ACTR3C: variants seen among roughly 807,000 people sequenced by gnomAD.
ACTR3C encodes actin related protein 3C.
Under a neutral mutation model 26.3 loss-of-function variants are expected in ACTR3C, and 18 were observed. The ratio of observed to expected loss-of-function variants is 0.68; its 90% CI spans 0.47 to 1.01. The LOEUF is 1.01. Among genes scored for constraint, ACTR3C ranks in the 50% least tolerant of loss-of-function variants. ACTR3C has a pLI of 0.00. For missense variants in ACTR3C, 184 were observed against 250.7 expected (o/e 0.73, Z 1.80); for synonymous variants, 55 against 94.5 (o/e 0.58, Z 2.42).
the ACTR3C span, among the ~76,000 whole-genome samples, chr7:150,143,124 G>T: frequency 1.3e-5 from 2 of 152,102 alleles, no homozygotes; most frequent in African/African-American, 4.8e-5. Context: ...GAGCCACCGC[G>T]CCCAACCCCA....
chr7:150,008,741 T>A, the ACTR3C span, among the ~76,000 whole-genome samples: 3 of 150,598 alleles, frequency 2.0e-5, no homozygotes, highest in African/African-American at 7.3e-5. Context: ...TGCTATCAAG[T>A]CCCATACCTC....
the ACTR3C span, among the ~76,000 whole-genome samples, chr7:149,982,684 TA>T: frequency 4.6e-5 from 7 of 151,974 alleles, no homozygotes; most frequent in Non-Finnish European, 1.0e-4. Flanking sequence ...AGGGCTGTGC[TA>T]AATGAAGCTC....
At chr7:150,009,402 T>C in the ACTR3C span, among the ~76,000 whole-genome samples, 1 of 152,230 alleles carries the variant, frequency 6.6e-6, no homozygotes, top group Non-Finnish European at 1.5e-5. Flanking sequence ...TTTCCAACAC[T>C]GCGCGAAGTG....
At chr7:150,153,035 CTTT>C in the ACTR3C span, among the ~76,000 whole-genome samples, 7 of 152,052 alleles carry the variant, frequency 4.6e-5, no homozygotes, top group African/African-American at 1.7e-4. Context: ...CTCTTTTCTT[CTTT>C]ATTAGTCTTA....
the ACTR3C span, among the ~76,000 whole-genome samples, chr7:150,215,712 T>C: frequency 9.1e-3 from 1,378 of 151,596 alleles, 17 homozygotes; most frequent in African/African-American, 0.032. Context: ...GACAAAACGA[T>C]TACTCTTTAA....
At chr7:150,030,924 T>C in the ACTR3C span, among the ~76,000 whole-genome samples, 2 of 152,074 alleles carry the variant, frequency 1.3e-5, no homozygotes, top group Non-Finnish European at 2.9e-5. Flanking sequence ...CTCTGTTCAG[T>C]AGGGACAAGT....
chr7:150,155,038 T>G, the ACTR3C span, among the ~76,000 whole-genome samples: 1,192 of 152,206 alleles, frequency 7.8e-3, 19 homozygotes, highest in African/African-American at 0.027. Context: ...TGGCTGGAAA[T>G]GCATGAGAGA....
At chr7:150,233,194 A>T in the ACTR3C span, among the ~76,000 whole-genome samples, 1 of 150,680 alleles carries the variant, frequency 6.6e-6, no homozygotes, top group Admixed American at 6.6e-5. Flanking sequence ...GGAAGTCTTT[A>T]TTTCTCAAGT....
chr7:150,090,593 C>G, the ACTR3C span, among the ~76,000 whole-genome samples: 1 of 151,268 alleles, frequency 6.6e-6, no homozygotes, highest in African/African-American at 2.4e-5. Context: ...TACTTACAAA[C>G]CTTCAAAGGA....
the ACTR3C span, among the ~76,000 whole-genome samples, chr7:149,947,826 G>A: frequency 6.9e-6 from 1 of 144,816 alleles, no homozygotes; most frequent in Non-Finnish European, 1.5e-5. Flanking sequence ...GGACAGAGCT[G>A]TGAGGTTTCT....
the ACTR3C span, among the ~76,000 whole-genome samples, chr7:150,172,142 C>G: frequency 1.3e-5 from 2 of 150,716 alleles, no homozygotes; most frequent in Non-Finnish European, 2.9e-5. Flanking sequence ...TAATAAGAGA[C>G]TATTAAGAAA....
the ACTR3C span, among the ~76,000 whole-genome samples, chr7:150,186,287 G>A: frequency 5.3e-5 from 8 of 152,178 alleles, no homozygotes; most frequent in Non-Finnish European, 1.2e-4. Flanking sequence ...TAATAAATAT[G>A]TCAGGGAAAT....
chr7:150,137,669 A>C, the ACTR3C span, among the ~76,000 whole-genome samples: 1,261 of 152,320 alleles, frequency 8.3e-3, 17 homozygotes, highest in African/African-American at 0.028. Context: ...CCGTTTAGAG[A>C]ATACAAATGA....
At chr7:149,882,523 G>A in the ACTR3C span, among the ~76,000 whole-genome samples, 6 of 152,088 alleles carry the variant, frequency 3.9e-5, no homozygotes, top group African/African-American at 1.2e-4. Flanking sequence ...CAGCCATTCC[G>A]GGAGAGAGGA....
the ACTR3C span, among the ~76,000 whole-genome samples, chr7:150,139,662 C>G: frequency 3.3e-5 from 5 of 152,274 alleles, no homozygotes; most frequent in African/African-American, 1.2e-4. Context: ...TAGGGATAAT[C>G]ACATGTATGG....
chr7:150,060,076 T>C, the ACTR3C span, among the ~76,000 whole-genome samples: 3 of 152,236 alleles, frequency 2.0e-5, no homozygotes, highest in African/African-American at 7.2e-5. Flanking sequence ...GCAACATGAT[T>C]TGATGAGTGT....
At chr7:150,047,420 A>G in the ACTR3C span, among the ~76,000 whole-genome samples, 1 of 151,476 alleles carries the variant, frequency 6.6e-6, no homozygotes, top group Non-Finnish European at 1.5e-5. Context: ...GCAGACACAG[A>G]CCCGCTCCCT....
chr7:150,293,667 G>A (rs138028936), intron 2 of ACTR3C, among the ~76,000 whole-genome samples: 27,543 of 152,096 alleles, frequency 0.18, 3,369 homozygotes, highest in African/African-American at 0.33. Context: ...TGACTGTGGT[G>A]ACTCATGCCT....
chr7:150,033,225 A>G, the ACTR3C span, among the ~76,000 whole-genome samples: 1 of 152,130 alleles, frequency 6.6e-6, no homozygotes, highest in African/African-American at 2.4e-5. Context: ...CACTCTGATC[A>G]GCCCAGGACT....
Sources: allele counts gnomAD v4.1 joint callset (sites outside exome capture counted in the v4.1 genomes callset), GRCh38; gene constraint gnomAD v4.1.1; transcripts MANE v1.5; gene names NCBI Gene and HGNC (gene_info 2026-07-23, HGNC 2026-07-21).